NDST3: variants seen among roughly 807,000 people sequenced by gnomAD.
NDST3 encodes bifunctional heparan sulfate N-deacetylase/N-sulfotransferase 3.
In NDST3, 58 loss-of-function variants were observed where a neutral mutation model predicts 96.1. The observed-to-expected ratio is 0.60, with a 90% CI of 0.49 to 0.75. NDST3 has a LOEUF of 0.75. NDST3 is among the 30% of genes least tolerant of loss of function. The pLI, the probability that NDST3 is intolerant of heterozygous loss-of-function variation, is 0.00. For missense variants in NDST3, 788 were observed against 1,034.2 expected, an observed-to-expected ratio of 0.76 and a Z score of 3.27; for synonymous variants, 333 against 359.7, an observed-to-expected ratio of 0.93 and a Z score of 0.84.
At chr4:118,215,029 T>G (rs1010354887) in intron 6 of NDST3, among the ~76,000 whole-genome samples, 5 of 152,120 alleles carry the variant, frequency 3.3e-5, no homozygotes, top group Non-Finnish European at 7.4e-5. Flanking sequence ...TTACACTCTA[T>G]TACAAGCACA....
chr4:118,215,436 G>A (rs1019677856), intron 6 of NDST3, among the ~76,000 whole-genome samples: 9 of 152,024 alleles, frequency 5.9e-5, no homozygotes, highest in Non-Finnish European at 4.4e-5. Flanking sequence ...ATTTTTCATG[G>A]GATGGTGGGG....
chr4:118,224,281 A>G (rs148487232), intron 6 of NDST3, among the ~76,000 whole-genome samples: 3 of 152,238 alleles, frequency 2.0e-5, no homozygotes, highest in African/African-American at 7.2e-5. Flanking sequence ...AATTTCAGGG[A>G]AAAAATGCTC....
chr4:118,138,223 T>C lies in NDST3; in HGVS notation c.1394T>C (p.Ile465Thr). 6.2e-7 allele frequency: 1 copy of C among 1,613,634 alleles called. No individual in the cohort carries two copies. Among genetic ancestry groups the C allele is most frequent in the Non-Finnish European group, 8.5e-7 (1 of 1,179,786 alleles). Residue 465 changes from isoleucine (I) to threonine (T), a missense_variant, in exon 5 of 14, where the codon ATC becomes ACC. Physicochemically the swap from Ile to Thr is moderately conservative, Grantham distance 89. Coordinates refer to ENST00000296499, the MANE Select transcript of NDST3 (RefSeq NM_004784.3). ...CCAGCTAGATACCGGAGGGGTTTTA[T>C]CCACAAAAACATCATGGTGAGCTTC... Reference protein sequence around the residue: ...LKPARYRRGFIHKNIMVLPRQ... With the variant: ...LKPARYRRGFTHKNIMVLPRQ...
At chr4:118,153,593 C>T (rs543080145) in intron 6 of NDST3, among the ~76,000 whole-genome samples, 1 of 152,160 alleles carries the variant, frequency 6.6e-6, no homozygotes, top group South Asian at 2.1e-4. Flanking sequence ...GATGCCAAAG[C>T]GGGTGGATCA....
intron 4 of NDST3, among the ~76,000 whole-genome samples, chr4:118,127,632 T>A (rs914082113): frequency 6.6e-6 from 1 of 152,088 alleles, no homozygotes; most frequent in African/African-American, 2.4e-5. Context: ...ATGTGATTCT[T>A]CCAATTTTGT....
intron 4 of NDST3, among the ~76,000 whole-genome samples, chr4:118,134,925 C>T (rs552070786): frequency 6.6e-6 from 1 of 152,148 alleles, no homozygotes; most frequent in Admixed American, 6.5e-5. Flanking sequence ...TTAAGGTAGA[C>T]TTTTTGCCAC....
At chr4:118,245,447 G>T (rs1741248613) in intron 12 of NDST3, among the ~76,000 whole-genome samples, 1 of 152,162 alleles carries the variant, frequency 6.6e-6, no homozygotes, top group African/African-American at 2.4e-5. Flanking sequence ...TGTGGACAGA[G>T]GTTAGCTAAG....
chr4:118,148,167 A>G (rs866523430), intron 6 of NDST3, among the ~76,000 whole-genome samples: 4 of 152,142 alleles, frequency 2.6e-5, no homozygotes, highest in Admixed American at 2.0e-4. Flanking sequence ...GCGTGGTGGC[A>G]GGCGCCTGTA....
At chr4:118,070,851 A>G (rs1041367767) in intron 2 of NDST3, among the ~76,000 whole-genome samples, 5 of 151,832 alleles carry the variant, frequency 3.3e-5, no homozygotes, top group African/African-American at 1.2e-4. Flanking sequence ...CCTGTGTCCA[A>G]GTGTTCTCAT....
intron 1 of NDST3, among the ~76,000 whole-genome samples, chr4:118,049,507 A>G (rs1398085417): frequency 6.6e-6 from 1 of 151,970 alleles, no homozygotes; most frequent in Non-Finnish European, 1.5e-5. Flanking sequence ...TAAAGAGAAT[A>G]TCCAAAAAAG....
intron 12 of NDST3, among the ~76,000 whole-genome samples, chr4:118,246,458 T>G (rs2126010113): frequency 6.6e-6 from 1 of 152,126 alleles, no homozygotes; most frequent in African/African-American, 2.4e-5. Context: ...CTCAAAAAAT[T>G]AGTTGGGCAT....
chr4:118,241,372 C>G (rs1207522140), intron 11 of NDST3, among the ~76,000 whole-genome samples: 2 of 152,202 alleles, frequency 1.3e-5, no homozygotes, highest in African/African-American at 4.8e-5. Flanking sequence ...TTCTATTGAA[C>G]AGTGCTGGTC....
intron 12 of NDST3, among the ~76,000 whole-genome samples, chr4:118,245,977 A>T (rs767616615): frequency 6.6e-6 from 1 of 152,190 alleles, no homozygotes; most frequent in Non-Finnish European, 1.5e-5. Context: ...TCATATTGGC[A>T]CAGGATGTTA....
chr4:118,103,434 ATAT>A (rs1307378123), intron 2 of NDST3, among the ~76,000 whole-genome samples: 6 of 152,108 alleles, frequency 3.9e-5, no homozygotes, highest in Non-Finnish European at 7.4e-5. Flanking sequence ...GAAAGGGAAG[ATAT>A]TATAATTGTC....
At chr4:118,079,351 G>A (rs1727827789) in intron 2 of NDST3, among the ~76,000 whole-genome samples, 1 of 152,210 alleles carries the variant, frequency 6.6e-6, no homozygotes, top group South Asian at 2.1e-4. Flanking sequence ...CAAGGGGAAT[G>A]CTGATTTAGA....
chr4:118,081,568 G>A (rs1356624242), intron 2 of NDST3, among the ~76,000 whole-genome samples: 2 of 152,130 alleles, frequency 1.3e-5, no homozygotes, highest in East Asian at 3.9e-4. Context: ...TTACACTGTA[G>A]TAATTTGCTG....
Position 118,255,532 on chromosome 4 carries a change from A to T in NDST3, c.2503-61A>T, listed in dbSNP as rs957012866. ...ACTTGGTACTTATTTCAACGTAGTC[A>T]AAGTGTATGAAATGTAATAAACAAA... On this transcript the variant is annotated intron_variant, in intron 13 of 13. Transcript: ENST00000296499. 6.0e-6 allele frequency: 9 copies of T among 1,492,272 alleles called. No individual in the cohort carries two copies. The East Asian group carries it at 2.1e-4, about 35-fold the overall frequency. The allele number at this position is 1,492,272 out of a possible 1,614,324, so 92.4% of individuals were successfully genotyped here. A position where few individuals can be genotyped will look rare whatever the true frequency, so the allele number is the denominator to read the frequency against.
In NDST3 at chr4:118,143,409, C is replaced by T. The variant is rs1733704878; in HGVS notation, c.1411-147C>T. 3 of 694,306 alleles carry T rather than the reference C, an allele frequency of 4.3e-6. No homozygotes were observed. In the African/African-American group the frequency reaches 5.7e-5, roughly 13 times the overall value. The allele number at this position is 694,306 out of a possible 1,614,324, so 43.0% of individuals were successfully genotyped here. A position where few individuals can be genotyped will look rare whatever the true frequency, so the allele number is the denominator to read the frequency against. On this transcript the variant is annotated intron_variant, in intron 5 of 13. Coordinates refer to ENST00000296499, the MANE Select transcript of NDST3 (RefSeq NM_004784.3). Reference sequence around the variant, plus strand: ...TCCATATTAACATCACCTTCCCTTGCCTAGAGTATGATAGATTGTCCAGGC... The same window carrying T: ...TCCATATTAACATCACCTTCCCTTGTCTAGAGTATGATAGATTGTCCAGGC...
At chr4:118,205,581 C>T (rs1162840483) in intron 6 of NDST3, among the ~76,000 whole-genome samples, 1 of 144,312 alleles carries the variant, frequency 6.9e-6, no homozygotes, top group Non-Finnish European at 1.5e-5. Flanking sequence ...TTTATTTCTT[C>T]AACTTTAGAG....
Sources: allele counts gnomAD v4.1 joint callset (sites outside exome capture counted in the v4.1 genomes callset), GRCh38; gene constraint gnomAD v4.1.1; transcripts MANE v1.5; gene names NCBI Gene and HGNC (gene_info 2026-07-23, HGNC 2026-07-21).